Variants in TYK2 observed in about 807,000 individuals in gnomAD.
TYK2 encodes non-receptor tyrosine-protein kinase TYK2.
A neutral mutation model predicts 130.9 loss-of-function variants in TYK2; 65 were observed. The ratio of observed to expected loss-of-function variants is 0.50; its 90% CI spans 0.41 to 0.61. The LOEUF (loss-of-function observed/expected upper bound fraction) is 0.61. Among genes scored for constraint, TYK2 ranks in the 20% least tolerant of loss-of-function variants. The probability of loss-of-function intolerance (pLI) is 0.00; values close to 1 mark genes in which losing one functional copy is unlikely to be tolerated. For missense variants in TYK2, 1,378 were observed against 1,610.7 expected (o/e 0.86, Z 2.47); for synonymous variants, 647 against 658.9 (o/e 0.98, Z 0.28).
chr19:10,369,136 TG>T (rs1217645853), intron 3 of TYK2, among the ~76,000 whole-genome samples: 3 of 151,980 alleles, frequency 2.0e-5, no homozygotes, highest in Non-Finnish European at 4.4e-5. Context: ...GATTAAGATT[TG>T]GGGGGATTGC....
At chr19:10,358,721 G>C (rs1428065435) in intron 15 of TYK2, among the ~76,000 whole-genome samples, 1 of 151,722 alleles carries the variant, frequency 6.6e-6, no homozygotes, top group African/African-American at 2.4e-5. Flanking sequence ...CTCCCAAACT[G>C]CTGGGATTAC....
Position 10,356,557 on chromosome 19 carries a change from A to T in TYK2, c.2617+11T>A, listed in dbSNP as rs2041111752. 1 of 1,612,446 alleles carries T rather than the reference A, an allele frequency of 6.2e-7. No individual in the cohort carries two copies. The highest frequency in any genetic ancestry group is 8.5e-7 in the Non-Finnish European group (1 of 1,179,958). On this transcript the variant is annotated intron_variant, in intron 18 of 24. Transcript: ENST00000525621. ...ACTTCCCCAGGGTCCCAGCACTGGG[A>T]TGGAGCTCACTGTGGGGCTGCAGCC...
intron 9 of TYK2, 92 bp from the exon 10 acceptor site, chr19:10,362,749 C>T (rs1266406688): frequency 2.6e-5 from 28 of 1,090,518 alleles, no homozygotes; most frequent in Non-Finnish European, 3.8e-5. Flanking sequence ...ACTTAGAGGG[C>T]ACACACACAG....
intron 9 of TYK2, 140 bp from the exon 10 acceptor site, chr19:10,362,797 C>T: frequency 1.4e-6 from 1 of 725,602 alleles, no homozygotes; most frequent in South Asian, 1.6e-5. Context: ...CTTGTGGGGA[C>T]ACTAACTCTG....
At position 10,353,144 on chromosome 19, in the gene TYK2, G is replaced by A; in HGVS notation, c.3028-46C>T. 6.9e-7 allele frequency: 1 copy of A among 1,442,092 alleles called. No homozygotes were observed. The highest frequency in any genetic ancestry group is 9.2e-7 in the Non-Finnish European group (1 of 1,092,822). 89.3% of individuals were successfully genotyped at this position (1,442,092 alleles called of 1,614,324 possible). A position where few individuals can be genotyped will look rare whatever the true frequency, so the allele number is the denominator to read the frequency against. Reference sequence around the variant, plus strand: ...GTGAGTTTCAGTGGGGCGGGGTTCGGCCGGGGGCGGCGGCAGGACCTGAGC... The same window carrying A: ...GTGAGTTTCAGTGGGGCGGGGTTCGACCGGGGGCGGCGGCAGGACCTGAGC... On this transcript the variant is annotated intron_variant, in intron 21 of 24. Coordinates refer to ENST00000525621, the MANE Select transcript of TYK2 (RefSeq NM_003331.5). The surrounding 1 kb of genome is among the most constrained non-coding windows in gnomAD (Gnocchi z 6.9).
rs755169274 is a variant in TYK2, at chr19:10,364,752, C to T, written c.1229G>A (p.Arg410Gln). 1.2e-5 allele frequency: 20 copies of T among 1,613,822 alleles called. No individual in the cohort carries two copies. The highest frequency in any genetic ancestry group is 1.7e-5 in the Admixed American group (1 of 60,004). The change falls in exon 9 of 25, where the codon CGG (arginine) becomes CAG (glutamine). Residue 410 changes from arginine to glutamine, a missense_variant. Transcript: ENST00000525621. This position sits in a 1 kb window ranked among gnomAD's most constrained non-coding sequence, Gnocchi z 4.9. The stretch of plus-strand genomic sequence containing the variant: ...CGACACGAAGGACAGCGCCGCAGCC[C>T]GGGAAGGCAAGCTCAGCTCCTGCCA... ...NKCLELSLPS[R>Q]AAALSFVSLV...
At chr19:10,356,857 G>T in intron 17 of TYK2, 139 bp from the exon 18 acceptor site, 1 of 890,120 alleles carries the variant, frequency 1.1e-6, no homozygotes, top group East Asian at 2.7e-5. Flanking sequence ...AGGCAACTGA[G>T]GCTCCACAAA....
chr19:10,366,119 A>G (rs1266890661), intron 6 of TYK2, among the ~76,000 whole-genome samples: 2 of 152,122 alleles, frequency 1.3e-5, no homozygotes, highest in Non-Finnish European at 2.9e-5. Context: ...CCTGGCCAAC[A>G]TGATGAAACT....
chr19:10,365,787 C>T lies in TYK2; in HGVS notation c.741G>A (p.Pro247=), dbSNP rs377117351. ...VFRRFLRDFQ[P]GRLSQQMVMV... Reference sequence around the variant, plus strand: ...TGACCATCTGCTGGGAGAGTCGGCCCGGCTGGAAGTCCCGCAGGAACCTGC... The same window carrying T: ...TGACCATCTGCTGGGAGAGTCGGCCTGGCTGGAAGTCCCGCAGGAACCTGC... The change falls in exon 7 of 25, where the codon CCG becomes CCA. Residue 247 remains proline (P), a synonymous_variant. Transcript: ENST00000525621. 28 of 1,612,154 alleles carry T rather than the reference C, an allele frequency of 1.7e-5. No homozygotes were observed. Among genetic ancestry groups the T allele is most frequent in the African/African-American group, 1.1e-4 (8 of 74,928 alleles).
Position 10,357,582 on chromosome 19 carries a change from C to A in TYK2, c.2466+182G>T, listed in dbSNP as rs1393666034. On this transcript the variant is annotated intron_variant, in intron 17 of 24. Coordinates refer to ENST00000525621, the MANE Select transcript of TYK2 (RefSeq NM_003331.5). ...CTGTGTGCCAGGCACAAGTGACTTCCACAAGGACCTAAAAAGGCTGGGACT... is the reference window on the plus strand; with the variant it reads ...CTGTGTGCCAGGCACAAGTGACTTCAACAAGGACCTAAAAAGGCTGGGACT... The A allele has an allele frequency of 1.1e-5, 9 of 838,678 alleles. No homozygotes were observed. In the East Asian group the frequency reaches 2.4e-4, roughly 22 times the overall value. The allele number at this position is 838,678 out of a possible 1,614,324, so 52.0% of individuals were successfully genotyped here.
chr19:10,353,522 A>G lies in TYK2; in HGVS notation c.3027+6T>C. The G allele has an allele frequency of 6.7e-7, 1 of 1,497,050 alleles. No individual in the cohort carries two copies. The highest frequency in any genetic ancestry group is 8.9e-7 in the Non-Finnish European group (1 of 1,119,288). 92.7% of individuals were successfully genotyped at this position (1,497,050 alleles called of 1,614,324 possible). A position where few individuals can be genotyped will look rare whatever the true frequency, so the allele number is the denominator to read the frequency against. On this transcript the variant is annotated splice_donor_region_variant and intron_variant, in intron 21 of 24. Transcript: ENST00000525621. The surrounding 1 kb of genome is among the most constrained non-coding windows in gnomAD (Gnocchi z 6.9). ...AGCTCCAGAAGCAGGGGCGGGGCCG[A>G]CCAACCTCGCAGATCTGCTGGGCGA...
intron 6 of TYK2, 31 bp from the exon 7 acceptor site, chr19:10,365,929 G>T: frequency 6.3e-7 from 1 of 1,577,580 alleles, no homozygotes; most frequent in Non-Finnish European, 8.6e-7. Context: ...GGGCTGGTCA[G>T]GGACCTGGGT....
intron 3 of TYK2, among the ~76,000 whole-genome samples, chr19:10,377,547 G>GATA (rs1568346451): frequency 5.6e-5 from 6 of 106,454 alleles, no homozygotes; most frequent in South Asian, 3.8e-4. Flanking sequence ...TGGATGGATG[G>GATA]GTGGGTGGGT....
At position 10,354,576 on chromosome 19, in the gene TYK2, G is replaced by A. The variant is rs1023689349; in HGVS notation, c.2651C>T (p.Ser884Leu). 5.0e-6 allele frequency: 8 copies of A among 1,614,080 alleles called. No individual in the cohort carries two copies. Among genetic ancestry groups the A allele is most frequent in the Non-Finnish European group, 6.8e-6 (8 of 1,180,032 alleles). The change falls in exon 19 of 25, where the codon TCA (serine) becomes TTA (leucine). Residue 884 changes from serine to leucine, a missense_variant. Physicochemically the swap from Ser to Leu is moderately radical, Grantham distance 145. Coordinates refer to ENST00000525621, the MANE Select transcript of TYK2 (RefSeq NM_003331.5). Reference protein sequence around the residue: ...LADVLTVNPDSPASDPTVFHK... With the variant: ...LADVLTVNPDLPASDPTVFHK... Reference sequence around the variant, plus strand: ...GAAAACCGTAGGGTCCGACGCCGGTGAGTCCGGGTTCACAGTCAAGACGTC... The same window carrying A: ...GAAAACCGTAGGGTCCGACGCCGGTAAGTCCGGGTTCACAGTCAAGACGTC...
intron 3 of TYK2, among the ~76,000 whole-genome samples, chr19:10,369,376 AG>A (rs1316011927): frequency 6.6e-6 from 1 of 150,704 alleles, no homozygotes; most frequent in Non-Finnish European, 1.5e-5. Flanking sequence ...TTTTTTTTTA[AG>A]GGTCAGGGTC....
At chr19:10,372,949 T>C (rs1031989432) in intron 3 of TYK2, among the ~76,000 whole-genome samples, 3 of 151,914 alleles carry the variant, frequency 2.0e-5, no homozygotes, top group East Asian at 3.9e-4. Context: ...CCGCAACTTC[T>C]GCCTTTCAGG....
intron 18 of TYK2, 31 bp downstream of exon 18, chr19:10,356,537 C>T: frequency 6.2e-7 from 1 of 1,611,306 alleles, no homozygotes; most frequent in Non-Finnish European, 8.5e-7. Flanking sequence ...GTCCCACTTC[C>T]CCAGGGTCCC....
chr19:10,357,601 TG>T, intron 17 of TYK2, 162 bp downstream of exon 17: 1 of 943,064 alleles, frequency 1.1e-6, no homozygotes, highest in Non-Finnish European at 1.7e-6. Context: ...CTAAAAAGGC[TG>T]GGACTACATT....
intron 15 of TYK2, among the ~76,000 whole-genome samples, chr19:10,358,823 G>A (rs1046069711): frequency 6.6e-6 from 1 of 152,080 alleles, no homozygotes; most frequent in African/African-American, 2.4e-5. Flanking sequence ...CCAGCACTTT[G>A]GGAGGCTGAG....
Sources: allele counts gnomAD v4.1 joint callset (sites outside exome capture counted in the v4.1 genomes callset), GRCh38; gene constraint gnomAD v4.1.1; non-coding constraint Gnocchi (gnomAD v3.1); transcripts MANE v1.5; gene names NCBI Gene and HGNC (gene_info 2026-07-23, HGNC 2026-07-21).